Variants in SEPTIN3 observed in about 807,000 individuals in gnomAD.
SEPTIN3 encodes the protein septin 3.
A neutral mutation model predicts 45.1 loss-of-function variants in SEPTIN3; 15 were observed. The ratio of observed to expected loss-of-function variants is 0.33; its 90% CI spans 0.22 to 0.51. The LOEUF (loss-of-function observed/expected upper bound fraction) is 0.51. SEPTIN3 is among the 20% of genes least tolerant of loss of function. The pLI, the probability that SEPTIN3 is intolerant of heterozygous loss-of-function variation, is 0.97. For missense variants in SEPTIN3, 289 were observed against 457.2 expected (o/e 0.63, Z 3.35); for synonymous variants, 148 against 164.8 (o/e 0.90, Z 0.78).
intron 6 of SEPTIN3, 36 bp from the exon 7 acceptor site, chr22:41,989,531 G>A (rs373909568): frequency 6.3e-6 from 9 of 1,429,078 alleles, no homozygotes; most frequent in Non-Finnish European, 8.9e-6. Context: ...GGGAGGGCAA[G>A]GTGGCTCTGA....
Position 41,992,657 on chromosome 22 carries a change from C to T in SEPTIN3, c.2260-7C>T, listed in dbSNP as rs749509336. On this transcript the variant is annotated splice_region_variant and splice_polypyrimidine_tract_variant and intron_variant, in intron 8 of 11. Transcript: ENST00000644076. ...ATGTGTCTGGTTTGTGTTTCTGCCC[C>T]GTGCAGCAGGAGAGCATGCCTTTTG... 1.5e-5 allele frequency: 24 copies of T among 1,582,686 alleles called. No individual in the cohort carries two copies. The East Asian group carries it at 1.8e-4, about 12-fold the overall frequency.
chr22:41,990,604 G>A (rs1365006253), intron 7 of SEPTIN3, among the ~76,000 whole-genome samples: 4 of 150,992 alleles, frequency 2.6e-5, no homozygotes, highest in Non-Finnish European at 4.4e-5. Context: ...AAATTAGCCG[G>A]GTGTGGTGGC....
chr22:41,989,126 C>CAAAAAAAAA (rs71184854), intron 6 of SEPTIN3, among the ~76,000 whole-genome samples: 1 of 88,596 alleles, frequency 1.1e-5, no homozygotes. Context: ...GACCCTGTCT[C>CAAAAAAAAA]AAAAAAAAAA....
At chr22:41,990,265 C>T (rs58874647) in intron 7 of SEPTIN3, among the ~76,000 whole-genome samples, 40,152 of 150,726 alleles carry the variant, frequency 0.27, 5,752 homozygotes, top group Middle Eastern at 0.34. Context: ...AGGATGGTCT[C>T]GGCTAGTCTT....
intron 2 of SEPTIN3, among the ~76,000 whole-genome samples, chr22:41,977,837 A>G (rs913727951): frequency 5.3e-5 from 8 of 152,188 alleles, no homozygotes; most frequent in African/African-American, 1.9e-4. Flanking sequence ...AGGAAGTGCC[A>G]GGGTCTTTGC....
Position 41,994,089 on chromosome 22 carries a change from C to T in SEPTIN3, c.2360-201C>T, listed in dbSNP as rs133301. Among the ~76,000 whole-genome samples the T allele has an allele frequency of 0.43, 64,917 of 151,960 alleles. 15,015 individuals are homozygous for T. Among genetic ancestry groups the T allele is most frequent in the East Asian group, 0.85 (4,403 of 5,166 alleles). Reference sequence around the variant, plus strand: ...CACAGCGTCTAGAAGGATGTCGTGCCCATTGTAGCTGCTTAATATTTGTTC... The same window carrying T: ...CACAGCGTCTAGAAGGATGTCGTGCTCATTGTAGCTGCTTAATATTTGTTC... On this transcript the variant is annotated intron_variant, in intron 9 of 11. Transcript: ENST00000644076. This position sits in a 1 kb window ranked among gnomAD's most constrained non-coding sequence, Gnocchi z 4.2.
At chr22:41,970,176 C>T (rs897845936) in intron 1 of SEPTIN3, among the ~76,000 whole-genome samples, 1 of 152,062 alleles carries the variant, frequency 6.6e-6, no homozygotes, top group Non-Finnish European at 1.5e-5. Flanking sequence ...TGGCCTTGTC[C>T]CCCAGCTGCA....
intron 2 of SEPTIN3, among the ~76,000 whole-genome samples, chr22:41,979,484 G>A (rs1055110519): frequency 5.3e-5 from 8 of 152,220 alleles, no homozygotes; most frequent in Non-Finnish European, 7.3e-5. Flanking sequence ...CCCAGCTTGT[G>A]TGAGCAGCTG....
chr22:41,974,756 T>G (rs1343251232), intron 2 of SEPTIN3, among the ~76,000 whole-genome samples: 1 of 147,440 alleles, frequency 6.8e-6, no homozygotes, highest in Non-Finnish European at 1.5e-5. Flanking sequence ...GTGTGTAGGC[T>G]GAGACAGAGA....
In SEPTIN3 at chr22:41,997,929, T is replaced by C. The variant is rs1334098311; in HGVS notation, c.*962T>C. ...CACTGCCCCACACACTGTGTCTTTA[T>C]AGAATTCCCCTTTGCCCACCCTCTT... is the stretch of plus-strand genomic sequence containing the variant. On this transcript the variant is annotated 3_prime_UTR_variant, in exon 12 of 12. Coordinates refer to ENST00000644076, the MANE Select transcript of SEPTIN3 (RefSeq NM_001363845.2). 1 of 152,700 alleles carries C rather than the reference T, an allele frequency of 6.5e-6. No homozygotes were observed. The highest frequency in any genetic ancestry group is 1.5e-5 in the Non-Finnish European group (1 of 68,066). The allele number at this position is 152,700 out of a possible 1,614,324, so 9.5% of individuals were successfully genotyped here.
intron 11 of SEPTIN3, 200 bp from the exon 12 acceptor site, chr22:41,996,702 T>C (rs2078446118): frequency 1.4e-6 from 2 of 1,448,666 alleles, no homozygotes; most frequent in East Asian, 2.5e-5. Flanking sequence ...CCTTGGCTAC[T>C]GTAGAAGCAG....
At chr22:41,991,986 A>G (rs2146719972) in intron 8 of SEPTIN3, among the ~76,000 whole-genome samples, 1 of 152,312 alleles carries the variant, frequency 6.6e-6, no homozygotes, top group African/African-American at 2.4e-5. Context: ...GGGGTCCAGG[A>G]GGATCTATGC....
intron 4 of SEPTIN3, 146 bp downstream of exon 4, chr22:41,986,258 C>A: frequency 1.1e-6 from 1 of 894,394 alleles, no homozygotes; most frequent in Non-Finnish European, 1.6e-6. Context: ...CTGAAGCAAA[C>A]TCCTTAGACT....
At position 41,987,255 on chromosome 22, in the gene SEPTIN3, A is replaced by G; in HGVS notation, c.1875A>G (p.Pro625=). ...VKMKLTVIDT[P]GFGDQINNEN... is the part of the protein sequence containing the mutation. ...TGAAGCTGACCGTCATCGACACCCC[A>G]GGCTTTGGAGACCAAATCAACAATG... is the stretch of plus-strand genomic sequence containing the variant. The change falls in exon 5 of 12, where the codon CCA becomes CCG. Residue 625 remains proline, a synonymous_variant. Coordinates refer to ENST00000644076, the MANE Select transcript of SEPTIN3 (RefSeq NM_001363845.2). 1 of 1,613,614 alleles carries G rather than the reference A, an allele frequency of 6.2e-7. No homozygotes were observed. Among genetic ancestry groups the G allele is most frequent in the Non-Finnish European group, 8.5e-7 (1 of 1,179,828 alleles).
chr22:41,994,883 CTGTG>C lies in SEPTIN3; in HGVS notation c.2505+206_2505+209del, dbSNP rs59942714. ...GTCTGGTATTTGTGGAGCATCTTGT[CTGTG>C]TGTGTGTGTGTGTGTGTGTGTGTGT... On this transcript the variant is annotated intron_variant, in intron 11 of 11. Transcript: ENST00000644076. This position sits in a 1 kb window ranked among gnomAD's most constrained non-coding sequence, Gnocchi z 4.2. 0.075 allele frequency: 97,217 copies of C among 1,295,876 alleles called. 689 individuals are homozygous for C. The highest frequency in any genetic ancestry group is 0.19 in the African/African-American group (12,583 of 64,706). 80.3% of individuals were successfully genotyped at this position (1,295,876 alleles called of 1,614,324 possible). A position where few individuals can be genotyped will look rare whatever the true frequency, so the allele number is the denominator to read the frequency against.
chr22:41,987,803 G>C, intron 6 of SEPTIN3, 44 bp downstream of exon 6: 1 of 1,580,550 alleles, frequency 6.3e-7, no homozygotes, highest in Non-Finnish European at 8.7e-7. Context: ...GGTCTGGTTT[G>C]TATCATCTGT....
chr22:41,996,815 A>T, intron 11 of SEPTIN3, 87 bp from the exon 12 acceptor site: 1 of 1,584,020 alleles, frequency 6.3e-7, no homozygotes, highest in Non-Finnish European at 8.6e-7. Context: ...CTGAACCATG[A>T]TCTGAGCCTC....
At chr22:41,982,707 G>A (rs2078141754) in intron 3 of SEPTIN3, among the ~76,000 whole-genome samples, 1 of 151,926 alleles carries the variant, frequency 6.6e-6, no homozygotes, top group Admixed American at 6.6e-5. Context: ...TGACCAACAT[G>A]GTGAAACCCT....
chr22:41,978,418 CCTT>C (rs1273769604), intron 2 of SEPTIN3, among the ~76,000 whole-genome samples: 1 of 152,168 alleles, frequency 6.6e-6, no homozygotes, highest in African/African-American at 2.4e-5. Context: ...TTCTGTATAA[CCTT>C]CATAGAAACC....
Sources: gnomAD v4.1 joint callset for allele counts (sites outside exome capture counted in the v4.1 genomes callset) on GRCh38, gnomAD v4.1.1 for gene constraint, Gnocchi (gnomAD v3.1) non-coding constraint, MANE v1.5 for transcripts, NCBI Gene and HGNC (gene_info 2026-07-23, HGNC 2026-07-21) for gene names.